The following TENM3 variants were observed in gnomAD, a reference collection of about 807,000 sequenced individuals.
TENM3 encodes teneurin-3.
A neutral mutation model predicts 255.1 loss-of-function variants in TENM3; 63 were observed. That is an observed-to-expected ratio of 0.25 (90% confidence interval 0.20 to 0.30). The LOEUF (loss-of-function observed/expected upper bound fraction) is 0.30. Ranked by LOEUF, TENM3 falls within the 10% of genes least tolerant of loss-of-function variation. TENM3 has a pLI of 1.00. For synonymous variants in TENM3, 1,306 were observed against 1,322.3 expected (o/e 0.99, Z 0.27); for missense variants, 2,929 against 3,461.1 (o/e 0.85, Z 3.86).
At chr4:182,491,021 T>C (rs1735247497) in intron 3 of TENM3, among the ~76,000 whole-genome samples, 1 of 152,348 alleles carries the variant, frequency 6.6e-6, no homozygotes, top group South Asian at 2.1e-4. Context: ...TTCAGAACAC[T>C]GTAGCAAATC....
intron 1 of TENM3, among the ~76,000 whole-genome samples, chr4:182,196,539 C>T (rs1474499651): frequency 6.6e-6 from 1 of 152,060 alleles, no homozygotes; most frequent in African/African-American, 2.4e-5. Context: ...ACACCAGGCG[C>T]CTCACCTTCC....
At chr4:182,281,524 TG>T (rs1041361153) in intron 1 of TENM3, among the ~76,000 whole-genome samples, 6 of 152,010 alleles carry the variant, frequency 3.9e-5, no homozygotes, top group African/African-American at 1.4e-4. Flanking sequence ...GTGGTGGTGG[TG>T]GTGGTTTTTT....
chr4:181,492,756 C>T, the TENM3 span, among the ~76,000 whole-genome samples: 2 of 152,270 alleles, frequency 1.3e-5, no homozygotes, highest in East Asian at 1.9e-4. Flanking sequence ...CCATCTTTCT[C>T]AACTCACTCT....
At chr4:181,479,479 T>C in the TENM3 span, among the ~76,000 whole-genome samples, 1 of 152,204 alleles carries the variant, frequency 6.6e-6, no homozygotes, top group African/African-American at 2.4e-5. Context: ...AAAATCACTT[T>C]ATTAAAATCA....
intron 3 of TENM3, among the ~76,000 whole-genome samples, chr4:182,367,433 G>A (rs780717985): frequency 6.6e-6 from 1 of 152,152 alleles, no homozygotes; most frequent in Non-Finnish European, 1.5e-5. Context: ...GAACTGAGAC[G>A]CGATGAACAA....
At chr4:182,465,349 G>T (rs1220408067) in intron 3 of TENM3, among the ~76,000 whole-genome samples, 1 of 152,120 alleles carries the variant, frequency 6.6e-6, no homozygotes, top group Non-Finnish European at 1.5e-5. Context: ...GAAGGGGACT[G>T]GTCCATGATG....
At chr4:181,763,081 T>G in the TENM3 span, among the ~76,000 whole-genome samples, 3 of 152,226 alleles carry the variant, frequency 2.0e-5, no homozygotes, top group Non-Finnish European at 2.9e-5. Context: ...GATTGATGAC[T>G]ATGAATGACA....
chr4:182,451,721 C>T (rs1230117171), intron 3 of TENM3, among the ~76,000 whole-genome samples: 1 of 152,182 alleles, frequency 6.6e-6, no homozygotes, highest in Non-Finnish European at 1.5e-5. Flanking sequence ...AAGCTGTATT[C>T]TTGCATTTTC....
Position 182,802,703 on chromosome 4 carries a change from A to T in TENM3, c.*2352A>T, listed in dbSNP as rs1767056420. 6.6e-6 allele frequency: 1 copy of T among 152,550 alleles called. No homozygotes were observed. Among genetic ancestry groups the T allele is most frequent in the South Asian group, 2.1e-4 (1 of 4,822 alleles). The allele number at this position is 152,550 out of a possible 1,614,324, so 9.4% of individuals were successfully genotyped here. A position where few individuals can be genotyped will look rare whatever the true frequency, so the allele number is the denominator to read the frequency against. ...AGGTATAATGAGCCTATTTCTTTCT[A>T]AAAAGACTTGTGATCTGGACATGCT... On this transcript the variant is annotated 3_prime_UTR_variant, in exon 28 of 28. Coordinates refer to ENST00000511685, the MANE Select transcript of TENM3 (RefSeq NM_001080477.4).
At chr4:182,442,785 TATG>T (rs1772597427) in intron 3 of TENM3, among the ~76,000 whole-genome samples, 1 of 148,038 alleles carries the variant, frequency 6.8e-6, no homozygotes, top group Non-Finnish European at 1.5e-5. Context: ...TGTGTGTACA[TATG>T]TGTGTGTGTG....
At chr4:182,731,865 T>G (rs1423483424) in intron 16 of TENM3, among the ~76,000 whole-genome samples, 2 of 151,506 alleles carry the variant, frequency 1.3e-5, no homozygotes, top group African/African-American at 4.8e-5. Context: ...CACTGCAAGC[T>G]CCACCTCCCG....
intron 3 of TENM3, among the ~76,000 whole-genome samples, chr4:182,433,285 C>T (rs549407351): frequency 6.6e-5 from 10 of 152,066 alleles, no homozygotes; most frequent in South Asian, 4.2e-4. Context: ...CATTCATGGA[C>T]GCAGGGAATG....
chr4:181,669,277 G>A, the TENM3 span, among the ~76,000 whole-genome samples: 2 of 152,090 alleles, frequency 1.3e-5, no homozygotes, highest in African/African-American at 4.8e-5. Context: ...ACAACCCAGG[G>A]AGATAGTATA....
the TENM3 span, among the ~76,000 whole-genome samples, chr4:181,733,087 T>C: frequency 6.6e-6 from 1 of 152,204 alleles, no homozygotes; most frequent in Non-Finnish European, 1.5e-5. Flanking sequence ...AGATGAAGGT[T>C]GGGAGTTGCG....
At chr4:181,606,433 C>CAAAGAGAA in the TENM3 span, among the ~76,000 whole-genome samples, 1 of 152,094 alleles carries the variant, frequency 6.6e-6, no homozygotes, top group Non-Finnish European at 1.5e-5. Flanking sequence ...GCTGAGAATG[C>CAAAGAGAA]CCTTTAATCT....
intron 6 of TENM3, among the ~76,000 whole-genome samples, chr4:182,669,332 C>T (rs564127691): frequency 3.9e-5 from 6 of 152,048 alleles, no homozygotes; most frequent in South Asian, 4.2e-4. Context: ...TGCAGTGGCG[C>T]GATCTCGGCT....
chr4:182,000,503 C>A, the TENM3 span, among the ~76,000 whole-genome samples: 2 of 152,192 alleles, frequency 1.3e-5, no homozygotes, highest in Admixed American at 1.3e-4. Context: ...AGGATGGTCT[C>A]TACTTATCCC....
At chr4:181,964,634 C>T in the TENM3 span, among the ~76,000 whole-genome samples, 1 of 151,870 alleles carries the variant, frequency 6.6e-6, no homozygotes, top group Non-Finnish European at 1.5e-5. Flanking sequence ...TGGGAATAGG[C>T]TGATCGGGCT....
chr4:182,478,163 G>T (rs183302230), intron 3 of TENM3, among the ~76,000 whole-genome samples: 1 of 151,948 alleles, frequency 6.6e-6, no homozygotes, highest in Admixed American at 6.6e-5. Flanking sequence ...TTTTGTAATT[G>T]AGGTAATAAT....
Sources: gnomAD v4.1 joint callset for allele counts (sites outside exome capture counted in the v4.1 genomes callset) on GRCh38, gnomAD v4.1.1 for gene constraint, MANE v1.5 for transcripts, NCBI Gene and HGNC (gene_info 2026-07-23, HGNC 2026-07-21) for gene names.